The following CEP85L variants were observed in gnomAD, a reference collection of about 807,000 sequenced individuals.
CEP85L encodes the protein centrosomal protein of 85 kDa-like.
Under a neutral mutation model 100.3 loss-of-function variants are expected in CEP85L, and 60 were observed. The ratio of observed to expected loss-of-function variants is 0.60; its 90% CI spans 0.49 to 0.74. The LOEUF (loss-of-function observed/expected upper bound fraction) is 0.74, where lower values mean the gene tolerates loss of function less well. CEP85L is among the 30% of genes least tolerant of loss of function. The pLI is 0.00. For synonymous variants in CEP85L, 319 were observed against 322.7 expected (o/e 0.99, Z 0.12); for missense variants, 973 against 936.2 (o/e 1.04, Z -0.51).
At chr6:118,573,068 A>AT (rs1202786554) in intron 2 of CEP85L, among the ~76,000 whole-genome samples, 7 of 152,292 alleles carry the variant, frequency 4.6e-5, no homozygotes, top group Non-Finnish European at 8.8e-5. Flanking sequence ...GTCTCCAAAA[A>AT]AAATAATAAT....
At chr6:118,574,503 A>T (rs1243624388) in intron 2 of CEP85L, among the ~76,000 whole-genome samples, 1 of 152,224 alleles carries the variant, frequency 6.6e-6, no homozygotes, top group Non-Finnish European at 1.5e-5. Context: ...AGCACTGAGC[A>T]AAGAATTACC....
chr6:118,619,740 T>C (rs1281721260), intron 2 of CEP85L, among the ~76,000 whole-genome samples: 2 of 152,194 alleles, frequency 1.3e-5, no homozygotes, highest in East Asian at 1.9e-4. Flanking sequence ...CCAATAACTA[T>C]ATAGATGTCT....
At chr6:118,699,921 T>C (rs539917922) in intron 1 of CEP85L, among the ~76,000 whole-genome samples, 14 of 152,216 alleles carry the variant, frequency 9.2e-5, no homozygotes, top group Middle Eastern at 3.4e-3. Context: ...TCTTGAACTC[T>C]TGACCTCAAG....
chr6:118,509,703 A>C (rs1162942982), intron 5 of CEP85L, among the ~76,000 whole-genome samples: 5 of 152,096 alleles, frequency 3.3e-5, no homozygotes, highest in African/African-American at 1.2e-4. Context: ...GAACAACAAT[A>C]ACAACATCCA....
At chr6:118,543,553 G>A (rs1303267862) in intron 3 of CEP85L, among the ~76,000 whole-genome samples, 1 of 152,146 alleles carries the variant, frequency 6.6e-6, no homozygotes, top group African/African-American at 2.4e-5. Flanking sequence ...TGAATTATAA[G>A]AGATATTCAC....
chr6:118,683,283 G>C (rs1776727419), intron 1 of CEP85L, among the ~76,000 whole-genome samples: 1 of 152,174 alleles, frequency 6.6e-6, no homozygotes, highest in African/African-American at 2.4e-5. Flanking sequence ...TTCTTTTGGG[G>C]AGACTTCCAA....
intron 5 of CEP85L, among the ~76,000 whole-genome samples, chr6:118,496,356 T>TTTTTATTTTATTTTGTTTTATTTTA (rs1774920781): frequency 2.2e-5 from 3 of 139,460 alleles, no homozygotes; most frequent in Non-Finnish European, 4.6e-5. Flanking sequence ...TATTTTATAT[T>TTTTTATTTTATTTTGTTTTATTTTA]TTTTATTTTA....
At chr6:118,489,271 C>A (rs369003242) in intron 6 of CEP85L, among the ~76,000 whole-genome samples, 378 of 127,172 alleles carry the variant, frequency 3.0e-3, no homozygotes, top group South Asian at 3.9e-3. Flanking sequence ...AGCTCTGTCT[C>A]AAAAAAAAAA....
chr6:118,585,975 T>C (rs982590513), intron 2 of CEP85L, among the ~76,000 whole-genome samples: 17 of 152,102 alleles, frequency 1.1e-4, no homozygotes, highest in African/African-American at 3.9e-4. Flanking sequence ...TCTGAGGTAA[T>C]AAAAGTATTA....
chr6:118,496,356 TTTTTA>T (rs553361650), intron 5 of CEP85L, among the ~76,000 whole-genome samples: 7,933 of 139,432 alleles, frequency 0.057, 453 homozygotes, highest in African/African-American at 0.14. Context: ...TATTTTATAT[TTTTTA>T]TTTTATTTTA....
intron 2 of CEP85L, among the ~76,000 whole-genome samples, chr6:118,609,160 G>A (rs1023065803): frequency 1.3e-5 from 2 of 152,172 alleles, no homozygotes; most frequent in South Asian, 4.1e-4. Context: ...AAAAGCCTGT[G>A]TGTATGTGAC....
intron 2 of CEP85L, among the ~76,000 whole-genome samples, chr6:118,610,273 T>C (rs920199928): frequency 2.0e-5 from 3 of 152,188 alleles, no homozygotes; most frequent in East Asian, 1.9e-4. Context: ...TCTGGGAACC[T>C]ACACCCATGC....
In CEP85L at chr6:118,604,580, GTTAACTT is replaced by G. The variant is rs773725962; in HGVS notation, c.232+27866_232+27872del. On this transcript the variant is annotated intron_variant, in intron 2 of 12. Coordinates refer to ENST00000368491, the MANE Select transcript of CEP85L (RefSeq NM_001042475.3). ...AATAGTCTCAATTACATGTTACGAT[GTTAACTT>G]TTACGTTTGGTGAAAACCCTGGTTA... Among the ~76,000 whole-genome samples, 617 of 152,262 alleles carry G rather than the reference GTTAACTT, an allele frequency of 4.1e-3. 2 individuals carry two copies. Among genetic ancestry groups the G allele is most frequent in the Non-Finnish European group, 6.8e-3 (462 of 68,026 alleles).
intron 1 of CEP85L, among the ~76,000 whole-genome samples, chr6:118,690,484 C>T (rs1777000287): frequency 7.1e-6 from 1 of 140,896 alleles, no homozygotes; most frequent in Non-Finnish European, 1.5e-5. Context: ...GTGAGTCCAT[C>T]ATCCAGACTG....
chr6:118,546,055 T>C (rs1013106449), intron 3 of CEP85L, among the ~76,000 whole-genome samples: 11 of 152,150 alleles, frequency 7.2e-5, no homozygotes, highest in African/African-American at 2.2e-4. Flanking sequence ...CTGATAACAC[T>C]ATAACTCATT....
chr6:118,600,296 T>TGGGGGGGC (rs1554228034), intron 2 of CEP85L, among the ~76,000 whole-genome samples: 2 of 34,176 alleles, frequency 5.9e-5, no homozygotes, highest in Admixed American at 3.8e-4. Flanking sequence ...TGAGCCTTCC[T>TGGGGGGGC]GGGGGTGTGT....
At chr6:118,509,813 G>C (rs1456059371) in intron 5 of CEP85L, among the ~76,000 whole-genome samples, 2 of 151,872 alleles carry the variant, frequency 1.3e-5, no homozygotes, top group Non-Finnish European at 2.9e-5. Flanking sequence ...CCAATATAAA[G>C]TTTATATAAA....
chr6:118,561,219 A>G (rs892048422), intron 3 of CEP85L, among the ~76,000 whole-genome samples: 3 of 152,196 alleles, frequency 2.0e-5, no homozygotes, highest in African/African-American at 7.2e-5. Context: ...CTTATAAACA[A>G]CAGGTGATAC....
chr6:118,685,033 A>G (rs1395856825), intron 1 of CEP85L, among the ~76,000 whole-genome samples: 1 of 152,194 alleles, frequency 6.6e-6, no homozygotes, highest in Non-Finnish European at 1.5e-5. Flanking sequence ...GACGGTAAAG[A>G]CTATTAATAT....
Sources: gnomAD v4.1 joint callset for allele counts (sites outside exome capture counted in the v4.1 genomes callset) on GRCh38, gnomAD v4.1.1 for gene constraint, MANE v1.5 for transcripts, NCBI Gene and HGNC (gene_info 2026-07-23, HGNC 2026-07-21) for gene names.